Variants in SHANK2 observed in about 807,000 individuals in gnomAD.
The protein encoded by SHANK2 is SH3 and multiple ankyrin repeat domains protein 2.
Under a neutral mutation model 133.7 loss-of-function variants are expected in SHANK2, and 43 were observed. The observed-to-expected ratio is 0.32, with a 90% CI of 0.25 to 0.41. SHANK2 has a LOEUF of 0.41. Ranked by LOEUF, SHANK2 falls within the 10% of genes least tolerant of loss-of-function variation. The pLI is 1.00. For synonymous variants in SHANK2, 1,017 were observed against 952.8 expected, an observed-to-expected ratio of 1.07 and a Z score of -1.24; for missense variants, 1,994 against 2,235.8, an observed-to-expected ratio of 0.89 and a Z score of 2.18.
chr11:71,249,243 C>T (rs946254668), intron 1 of SHANK2, among the ~76,000 whole-genome samples: 1 of 152,164 alleles, frequency 6.6e-6, no homozygotes, highest in African/African-American at 2.4e-5. Context: ...GGAAAAGACC[C>T]GCCTTTGTCT....
Position 70,932,275 on chromosome 11 carries a change from T to C in SHANK2, c.1108-35708A>G, listed in dbSNP as rs146222816. Among the ~76,000 whole-genome samples, 296 of 152,324 alleles carry C rather than the reference T, an allele frequency of 1.9e-3. 1 individual carries two copies. The highest frequency in any genetic ancestry group is 6.8e-3 in the African/African-American group (281 of 41,560). ...TCTCTGATAACAGCCACGGGAAATA[T>C]TAATTTCCAGATGCACTCATTTTTA... On this transcript the variant is annotated intron_variant, in intron 10 of 25. Transcript: ENST00000601538.
intron 21 of SHANK2, among the ~76,000 whole-genome samples, chr11:70,496,170 T>A (rs1209936410): frequency 6.6e-6 from 1 of 152,064 alleles, no homozygotes; most frequent in Admixed American, 6.5e-5. Flanking sequence ...TCTGCTGTGC[T>A]GTTGGCCATG....
chr11:71,085,664 A>AT (rs1590894342), intron 8 of SHANK2, among the ~76,000 whole-genome samples: 6 of 14,994 alleles, frequency 4.0e-4, no homozygotes, highest in Admixed American at 1.5e-3. Context: ...ATATTATATT[A>AT]TATATGTTAT....
At chr11:70,625,755 C>T (rs1488043462) in intron 17 of SHANK2, among the ~76,000 whole-genome samples, 1 of 131,362 alleles carries the variant, frequency 7.6e-6, no homozygotes, top group African/African-American at 2.9e-5. Context: ...CAGAGGTCCA[C>T]AAGCCCAAGC....
At chr11:70,755,452 C>T (rs1946847247) in intron 14 of SHANK2, among the ~76,000 whole-genome samples, 1 of 152,240 alleles carries the variant, frequency 6.6e-6, no homozygotes, top group South Asian at 2.1e-4. Context: ...ACTCCGGCCC[C>T]TCATCCCATC....
intron 17 of SHANK2, among the ~76,000 whole-genome samples, chr11:70,651,510 G>T (rs552016347): frequency 2.6e-4 from 39 of 152,294 alleles, no homozygotes; most frequent in Non-Finnish European, 5.9e-5. Context: ...GGAGAAGAAA[G>T]ACCACAGTGC....
chr11:70,638,618 A>T (rs2061137402), intron 17 of SHANK2, among the ~76,000 whole-genome samples: 3 of 152,256 alleles, frequency 2.0e-5, no homozygotes, highest in Admixed American at 2.0e-4. Context: ...TAGTCTGCTC[A>T]GCATTTCTTG....
chr11:70,863,399 C>T (rs1163308041), intron 11 of SHANK2: 41 of 457,784 alleles, frequency 9.0e-5, no homozygotes, highest in Admixed American at 8.7e-4. Flanking sequence ...CCTGTCTGGA[C>T]GAGCCCCAAG....
chr11:70,661,718 C>T (rs782760118), intron 15 of SHANK2, 40 bp from the exon 16 acceptor site: 3 of 1,614,134 alleles, frequency 1.9e-6, no homozygotes, highest in Non-Finnish European at 2.5e-6. Flanking sequence ...ATTATTGTAG[C>T]CCGTCATCAT....
chr11:70,947,144 C>G (rs1452496547), intron 10 of SHANK2, among the ~76,000 whole-genome samples: 3 of 117,174 alleles, frequency 2.6e-5, no homozygotes, highest in African/African-American at 8.5e-5. Flanking sequence ...CACACACACA[C>G]ACACACACAC....
intron 14 of SHANK2, among the ~76,000 whole-genome samples, chr11:70,776,483 G>A (rs1169750389): frequency 2.0e-5 from 3 of 152,152 alleles, no homozygotes; most frequent in Non-Finnish European, 4.4e-5. Flanking sequence ...GATGTTGCTG[G>A]TATCGCCAAG....
At chr11:70,532,242 T>A (rs535327291) in intron 17 of SHANK2, among the ~76,000 whole-genome samples, 1 of 152,278 alleles carries the variant, frequency 6.6e-6, no homozygotes, top group East Asian at 1.9e-4. Flanking sequence ...CTGTGCAAGA[T>A]AAATGTGTTT....
chr11:70,687,140 A>G (rs1378135190), intron 15 of SHANK2, among the ~76,000 whole-genome samples: 1 of 152,198 alleles, frequency 6.6e-6, no homozygotes, highest in Non-Finnish European at 1.5e-5. Flanking sequence ...GTAGAATTTT[A>G]TATTCACAAG....
chr11:70,729,976 T>TTCATGATG (rs1946252220), intron 14 of SHANK2, among the ~76,000 whole-genome samples: 1 of 149,654 alleles, frequency 6.7e-6, no homozygotes, highest in African/African-American at 2.5e-5. Context: ...CACCTAGGGG[T>TTCATGATG]TCATGATGTG....
At chr11:70,636,793 C>T (rs553668198) in intron 17 of SHANK2, among the ~76,000 whole-genome samples, 21 of 151,712 alleles carry the variant, frequency 1.4e-4, no homozygotes, top group South Asian at 8.4e-4. Flanking sequence ...CATGTGTGAG[C>T]GTGTGTGTGA....
chr11:70,767,925 T>G (rs1481804584), intron 14 of SHANK2, among the ~76,000 whole-genome samples: 2 of 152,186 alleles, frequency 1.3e-5, no homozygotes, highest in Non-Finnish European at 2.9e-5. Context: ...CTCTGCTTCT[T>G]GCACTCAGAT....
At chr11:70,726,268 G>A (rs554303738) in intron 14 of SHANK2, among the ~76,000 whole-genome samples, 5 of 152,234 alleles carry the variant, frequency 3.3e-5, no homozygotes, top group African/African-American at 7.2e-5. Flanking sequence ...GCTGGGTTTG[G>A]AAGCTGGGGA....
chr11:71,147,497 T>C lies in SHANK2; in HGVS notation c.-12-159A>G, dbSNP rs550963132. Among the ~76,000 whole-genome samples, 3 of 152,220 alleles carry C rather than the reference T, an allele frequency of 2.0e-5. No homozygotes were observed. The South Asian group carries it at 6.2e-4, about 32-fold the overall frequency. ...AGCCGAGGGCCCCAGGTATGCACAA[T>C]GTACAGATCCCAGAGGGCGGACACA... On this transcript the variant is annotated intron_variant, in intron 2 of 25. Coordinates refer to ENST00000601538, the MANE Select transcript of SHANK2 (RefSeq NM_012309.5).
At chr11:71,089,261 C>G (rs1951463153) in intron 8 of SHANK2, among the ~76,000 whole-genome samples, 1 of 152,134 alleles carries the variant, frequency 6.6e-6, no homozygotes, top group Admixed American at 6.5e-5. Flanking sequence ...AAAACACCAG[C>G]ACAGAGCTGA....
Sources: gnomAD v4.1 joint callset for allele counts (sites outside exome capture counted in the v4.1 genomes callset) on GRCh38, gnomAD v4.1.1 for gene constraint, MANE v1.5 for transcripts, NCBI Gene and HGNC (gene_info 2026-07-23, HGNC 2026-07-21) for gene names.